Variants in ESCO1 observed in about 807,000 individuals in gnomAD.
ESCO1 encodes the protein N-acetyltransferase ESCO1.
Under a neutral mutation model 83.5 loss-of-function variants are expected in ESCO1, and 33 were observed. The ratio of observed to expected loss-of-function variants is 0.40; its 90% CI spans 0.30 to 0.53. The LOEUF (loss-of-function observed/expected upper bound fraction) is 0.53, where lower values mean the gene tolerates loss of function less well. Among genes scored for constraint, ESCO1 ranks in the 20% least tolerant of loss-of-function variants. The probability of loss-of-function intolerance (pLI) is 0.63; values close to 1 mark genes in which losing one functional copy is unlikely to be tolerated. For missense variants in ESCO1, 855 were observed against 968.0 expected, an observed-to-expected ratio of 0.88 and a Z score of 1.55; for synonymous variants, 332 against 324.3, an observed-to-expected ratio of 1.02 and a Z score of -0.25.
chr18:21,600,435 A>T (rs966579580), intron 1 of ESCO1, among the ~76,000 whole-genome samples, 188 bp downstream of exon 1: 2 of 152,162 alleles, frequency 1.3e-5, no homozygotes, highest in African/African-American at 4.8e-5. Context: ...GGCGTCTTGG[A>T]GCCTAGAGCC....
chr18:21,580,133 A>C (rs922422475), intron 2 of ESCO1, among the ~76,000 whole-genome samples: 1 of 151,984 alleles, frequency 6.6e-6, no homozygotes, highest in South Asian at 2.1e-4. Flanking sequence ...TCCTGACTTT[A>C]GGTAATCCAA....
In ESCO1 at chr18:21,573,298, A is replaced by G; in HGVS notation, c.1530+16T>C. The G allele has an allele frequency of 1.3e-6, 2 of 1,547,434 alleles. No homozygotes were observed. The highest frequency in any genetic ancestry group is 1.7e-6 in the Non-Finnish European group (2 of 1,155,414). ...ATATTTCGGCACCTCTATTGTGCAT[A>G]ATAAAAACAGATTACCTTATTTGAT... On this transcript the variant is annotated intron_variant, in intron 4 of 11. Transcript: ENST00000269214.
intron 1 of ESCO1, among the ~76,000 whole-genome samples, chr18:21,595,191 G>A (rs2038744511): frequency 1.3e-5 from 2 of 151,888 alleles, no homozygotes; most frequent in Admixed American, 1.3e-4. Context: ...GATAGATGCT[G>A]GGTATAGGCA....
intron 1 of ESCO1, among the ~76,000 whole-genome samples, chr18:21,598,317 G>A (rs2038793441): frequency 6.6e-6 from 1 of 152,174 alleles, no homozygotes; most frequent in African/African-American, 2.4e-5. Context: ...GAAGTTAATG[G>A]CATTCATTAA....
At chr18:21,556,487 C>T (rs2038113728) in intron 8 of ESCO1, among the ~76,000 whole-genome samples, 1 of 152,184 alleles carries the variant, frequency 6.6e-6, no homozygotes, top group Admixed American at 6.5e-5. Context: ...CATGTAACTT[C>T]TTTCCTCAAC....
intron 1 of ESCO1, among the ~76,000 whole-genome samples, chr18:21,586,984 T>C (rs189426371): frequency 1.3e-5 from 2 of 152,308 alleles, no homozygotes; most frequent in Admixed American, 1.3e-4. Context: ...TTTTTCTGCA[T>C]CTATTGAGGT....
intron 8 of ESCO1, among the ~76,000 whole-genome samples, chr18:21,554,286 T>A: frequency 6.6e-6 from 1 of 152,214 alleles, no homozygotes; most frequent in East Asian, 1.9e-4. Flanking sequence ...CAATCAAGCG[T>A]CTTGGTATTT....
At chr18:21,562,463 C>T (rs1009882202) in intron 7 of ESCO1, among the ~76,000 whole-genome samples, 19 of 36,610 alleles carry the variant, frequency 5.2e-4, no homozygotes, top group Non-Finnish European at 9.5e-4. Context: ...GTGACTCCGT[C>T]TTACAAAAAA....
intron 7 of ESCO1, among the ~76,000 whole-genome samples, chr18:21,562,768 G>A (rs2038205828): frequency 6.6e-6 from 1 of 151,550 alleles, no homozygotes; most frequent in Non-Finnish European, 1.5e-5. Context: ...AATATCTCCT[G>A]TTTTCCAATT....
Position 21,574,141 on chromosome 18 carries a change from C to G in ESCO1, c.703G>C (p.Asp235His), listed in dbSNP as rs751769250. Residue 235 changes from aspartate to histidine, a missense_variant, in exon 4 of 12, where the codon GAC becomes CAC. Around this residue, in one of 2 missense-constraint regions of ESCO1, gnomAD observed 726 missense variants for 699.5 expected, o/e 1.04. Coordinates refer to ENST00000269214, the MANE Select transcript of ESCO1 (RefSeq NM_052911.3). Reference sequence around the variant, plus strand: ...GTTACAGGCACAGGTTTCGTTTCGTCTCTTCTAGTAGTCTTCTGAGGACAC... The same window carrying G: ...GTTACAGGCACAGGTTTCGTTTCGTGTCTTCTAGTAGTCTTCTGAGGACAC... ...EKCPQKTTRR[D>H]ETKPVPVTSE... The G allele has an allele frequency of 6.2e-7, 1 of 1,613,858 alleles. No individual in the cohort carries two copies. The highest frequency in any genetic ancestry group is 1.1e-5 in the South Asian group (1 of 91,084).
At position 21,584,695 on chromosome 18, in the gene ESCO1, G is replaced by GT. The variant is rs531191832; in HGVS notation, c.-824-256dup. On this transcript the variant is annotated intron_variant, in intron 1 of 11. Transcript: ENST00000269214. The stretch of plus-strand genomic sequence containing the variant: ...ATTAGCCTGGGGTGCTGGCACGTCT[G>GT]TAAGTCCCAGCTACTTCGGAGGCTG... Among the ~76,000 whole-genome samples the GT allele has an allele frequency of 2.4e-4, 36 of 152,092 alleles. No individual in the cohort carries two copies. The East Asian group carries it at 7.0e-3, about 29-fold the overall frequency.
chr18:21,552,062 C>G (rs1365208506), intron 8 of ESCO1, among the ~76,000 whole-genome samples: 2 of 152,134 alleles, frequency 1.3e-5, no homozygotes, highest in East Asian at 3.8e-4. Flanking sequence ...CTGATTTAAT[C>G]TACAGATTCA....
chr18:21,536,126 C>A lies in ESCO1; in HGVS notation c.2103G>T (p.Met701Ile), dbSNP rs373973338. 1 of 1,614,140 alleles carries A rather than the reference C, an allele frequency of 6.2e-7. No homozygotes were observed. The highest frequency in any genetic ancestry group is 8.5e-7 in the Non-Finnish European group (1 of 1,180,010). ...NDLGFQQAPL[M>I]CYSRTKTLLF... The stretch of plus-strand genomic sequence containing the variant: ...GAAGTGTTTTAGTTCTGGAATAGCA[C>A]ATTAGTGGAGCCTGTTGAAAACCTA... The change falls in exon 10 of 12, where the codon ATG (methionine) becomes ATT (isoleucine). Residue 701 changes from methionine (M) to isoleucine (I), a missense_variant. Physicochemically the swap from Met to Ile is conservative, Grantham distance 10. Around this residue, in one of 2 missense-constraint regions of ESCO1, gnomAD observed 129 missense variants for 268.5 expected, o/e 0.48. Coordinates refer to ENST00000269214, the MANE Select transcript of ESCO1 (RefSeq NM_052911.3).
chr18:21,592,962 G>C (rs1038229839), intron 1 of ESCO1: 3 of 167,482 alleles, frequency 1.8e-5, no homozygotes, highest in African/African-American at 7.3e-5. Flanking sequence ...GGGGCGGCAG[G>C]GCAGAGGCGC....
chr18:21,562,736 A>C (rs1460447705), intron 7 of ESCO1, among the ~76,000 whole-genome samples: 1 of 152,122 alleles, frequency 6.6e-6, no homozygotes, highest in Admixed American at 6.5e-5. Flanking sequence ...CACTCATTCA[A>C]GTTAGATTTT....
intron 1 of ESCO1, among the ~76,000 whole-genome samples, chr18:21,589,351 T>G (rs971345458): frequency 6.6e-6 from 1 of 152,216 alleles, no homozygotes; most frequent in African/African-American, 2.4e-5. Context: ...ATCAGCCTTT[T>G]TCCTACACAA....
At chr18:21,579,440 T>C (rs770759110) in intron 2 of ESCO1, among the ~76,000 whole-genome samples, 17 of 150,360 alleles carry the variant, frequency 1.1e-4, no homozygotes, top group Non-Finnish European at 2.4e-4. Flanking sequence ...CCAGACTGAG[T>C]GACAAAGCAA....
At chr18:21,572,178 G>A (rs545727903) in intron 4 of ESCO1, among the ~76,000 whole-genome samples, 12 of 152,214 alleles carry the variant, frequency 7.9e-5, no homozygotes, top group African/African-American at 2.9e-4. Flanking sequence ...TAGAACACCT[G>A]GATTCTAATT....
intron 1 of ESCO1, among the ~76,000 whole-genome samples, chr18:21,586,467 C>T (rs2038578005): frequency 6.6e-6 from 1 of 152,180 alleles, no homozygotes; most frequent in Admixed American, 6.6e-5. Flanking sequence ...GTGAACAGTG[C>T]CACAATGAAC....
Sources: gnomAD v4.1 joint callset for allele counts (sites outside exome capture counted in the v4.1 genomes callset) on GRCh38, gnomAD v4.1.1 for gene constraint, gnomAD v4.1.1 regional missense constraint, MANE v1.5 for transcripts, NCBI Gene and HGNC (gene_info 2026-07-23, HGNC 2026-07-21) for gene names.